The following DENND4C variants were observed in gnomAD, a reference collection of about 807,000 sequenced individuals.
DENND4C encodes the protein DENN domain containing 4C.
DENND4C carries 108 observed loss-of-function variants against 203.0 expected under a neutral mutation model. The ratio of observed to expected loss-of-function variants is 0.53; its 90% CI spans 0.46 to 0.62. DENND4C has a LOEUF of 0.62. DENND4C is among the 20% of genes least tolerant of loss of function. The probability of loss-of-function intolerance (pLI) is 0.00; values close to 1 mark genes in which losing one functional copy is unlikely to be tolerated. For synonymous variants in DENND4C, 871 were observed against 792.4 expected, an observed-to-expected ratio of 1.10 and a Z score of -1.67; for missense variants, 2,481 against 2,301.2, an observed-to-expected ratio of 1.08 and a Z score of -1.60.
chr9:19,322,661 G>A (rs781311584), intron 12 of DENND4C, among the ~76,000 whole-genome samples: 8 of 150,790 alleles, frequency 5.3e-5, no homozygotes, highest in African/African-American at 9.8e-5. Flanking sequence ...GCATGAACCC[G>A]GGAGGCAGAG....
Position 19,300,245 on chromosome 9 carries a change from C to T in DENND4C, c.1225C>T (p.Leu409=), listed in dbSNP as rs751980044. ...GGGTCCTGAGAATTGTGCAACACTG[C>T]TGCTCTTTGTTTTACTTGAGAGTAA... ...NLGPENCATL[L]LFVLLESKIL... The change falls in exon 9 of 33, where the codon CTG becomes TTG. Residue 409 remains leucine, a synonymous_variant. Transcript: ENST00000434457. The T allele has an allele frequency of 6.2e-7, 1 of 1,613,116 alleles. No individual in the cohort carries two copies. The highest frequency in any genetic ancestry group is 8.5e-7 in the Non-Finnish European group (1 of 1,179,274).
At position 19,351,942 on chromosome 9, in the gene DENND4C, A is replaced by G. The variant is rs1046236530; in HGVS notation, c.4496-131A>G. 17 of 648,758 alleles carry G rather than the reference A, an allele frequency of 2.6e-5. 1 individual carries two copies. The highest frequency in any genetic ancestry group is 1.8e-4 in the African/African-American group (10 of 54,672). 40.2% of individuals were successfully genotyped at this position (648,758 alleles called of 1,614,324 possible). A position where few individuals can be genotyped will look rare whatever the true frequency, so the allele number is the denominator to read the frequency against. Reference sequence around the variant, plus strand: ...TTTATCTCTTTCTATGTATGCATACATTTTTATACTGAGCCACTTGAAAAA... The same window carrying G: ...TTTATCTCTTTCTATGTATGCATACGTTTTTATACTGAGCCACTTGAAAAA... On this transcript the variant is annotated intron_variant, in intron 24 of 32. Transcript: ENST00000434457.
At chr9:19,326,821 GCCTTTAGTGGTCTGAA>G (rs1817933216) in intron 15 of DENND4C, among the ~76,000 whole-genome samples, 1 of 151,964 alleles carries the variant, frequency 6.6e-6, no homozygotes, top group Non-Finnish European at 1.5e-5. Flanking sequence ...ATCTATGTTT[GCCTTTAGTGGTCTGAA>G]CATTTTCCCA....
At chr9:19,318,536 C>T (rs745648623) in intron 12 of DENND4C, among the ~76,000 whole-genome samples, 12 of 152,086 alleles carry the variant, frequency 7.9e-5, no homozygotes, top group Non-Finnish European at 1.5e-5. Context: ...ACAAGGTCTG[C>T]GGATTTGTTT....
intron 1 of DENND4C, among the ~76,000 whole-genome samples, chr9:19,248,068 C>G (rs1035639654): frequency 2.0e-5 from 3 of 152,104 alleles, no homozygotes; most frequent in Non-Finnish European, 2.9e-5. Flanking sequence ...AGTTTGTTCT[C>G]ACAACAGCTA....
At chr9:19,300,163 T>C in intron 8 of DENND4C, 24 bp from the exon 9 acceptor site, 1 of 1,578,148 alleles carries the variant, frequency 6.3e-7, no homozygotes, top group Non-Finnish European at 8.7e-7. Flanking sequence ...CACAATGATC[T>C]ACTTTTCTCT....
chr9:19,250,611 A>G (rs891810794), intron 1 of DENND4C, among the ~76,000 whole-genome samples: 1 of 152,212 alleles, frequency 6.6e-6, no homozygotes, highest in Non-Finnish European at 1.5e-5. Flanking sequence ...TCCTCCGCCG[A>G]TTAGCTTGTA....
chr9:19,237,445 G>T (rs1253925170), intron 1 of DENND4C, among the ~76,000 whole-genome samples: 1 of 151,796 alleles, frequency 6.6e-6, no homozygotes, highest in Non-Finnish European at 1.5e-5. Context: ...TCCGCATCCC[G>T]AGTTCAAGCG....
intron 13 of DENND4C, among the ~76,000 whole-genome samples, chr9:19,325,563 C>G (rs969818955): frequency 5.3e-5 from 8 of 152,088 alleles, no homozygotes; most frequent in African/African-American, 1.9e-4. Flanking sequence ...AACTATTCAA[C>G]ATTTTTGTTT....
Position 19,328,082 on chromosome 9 carries a change from T to C in DENND4C, c.2173T>C (p.Leu725=). Reference sequence around the variant, plus strand: ...TAAGCTTTTTGACAGACCGCAGGAGTTGAAACTTTGTTTTAGTAGACACCC... The same window carrying C: ...TAAGCTTTTTGACAGACCGCAGGAGCTGAAACTTTGTTTTAGTAGACACCC... ...DLKLFDRPQE[L]KLCFSRHPTG... Residue 725 remains leucine, a synonymous_variant, in exon 16 of 33, where the codon TTG becomes CTG. Coordinates refer to ENST00000434457, the MANE Select transcript of DENND4C (RefSeq NM_001330640.2). The C allele has an allele frequency of 1.9e-6, 3 of 1,613,734 alleles. No homozygotes were observed. The highest frequency in any genetic ancestry group is 2.2e-5 in the South Asian group (2 of 91,054).
intron 13 of DENND4C, among the ~76,000 whole-genome samples, chr9:19,325,651 A>T (rs1817664048): frequency 1.3e-5 from 2 of 152,210 alleles, no homozygotes; most frequent in Admixed American, 6.5e-5. Flanking sequence ...GGGCTTAATA[A>T]TAATGAAATT....
At chr9:19,277,568 G>A (rs911751670) in intron 2 of DENND4C, among the ~76,000 whole-genome samples, 4 of 151,972 alleles carry the variant, frequency 2.6e-5, no homozygotes, top group African/African-American at 9.7e-5. Context: ...GGTTCTTCGG[G>A]ATTTTTTTAA....
At chr9:19,271,117 A>C (rs148010577) in intron 1 of DENND4C, among the ~76,000 whole-genome samples, 1 of 152,160 alleles carries the variant, frequency 6.6e-6, no homozygotes, top group Non-Finnish European at 1.5e-5. Flanking sequence ...CATGGATTAG[A>C]AGACTCAATA....
Position 19,305,484 on chromosome 9 carries a change from C to G in DENND4C, c.1444C>G (p.Gln482Glu). The change falls in exon 10 of 33, where the codon CAA becomes GAA. Residue 482 changes from glutamine (Q) to glutamate (E), a missense_variant. This residue lies in a region of DENND4C where 2,289 missense variants were observed against 2,113.3 expected (regional missense o/e 1.08). Transcript: ENST00000434457. ...SRYFDLHDPPQDVVCIDLDTN... is the reference protein window; with the variant it reads ...SRYFDLHDPPEDVVCIDLDTN... ...GTATTTTGATCTTCATGACCCACCA[C>G]AAGATGTTGTTTGCATTGACTTGGA... 6.2e-7 allele frequency: 1 copy of G among 1,613,652 alleles called. No homozygotes were observed. The highest frequency in any genetic ancestry group is 1.1e-5 in the South Asian group (1 of 91,070).
At chr9:19,281,746 T>C (rs1388490481) in intron 2 of DENND4C, among the ~76,000 whole-genome samples, 1 of 152,158 alleles carries the variant, frequency 6.6e-6, no homozygotes. Flanking sequence ...CATCATAGAG[T>C]GTACATACAC....
intron 1 of DENND4C, among the ~76,000 whole-genome samples, chr9:19,262,505 C>G (rs922943291): frequency 1.3e-5 from 2 of 149,450 alleles, no homozygotes; most frequent in Admixed American, 1.3e-4. Context: ...TATCTCGGCT[C>G]TCTGCAACCC....
rs199795421 is a variant in DENND4C, at chr9:19,341,097, C to A, written c.2987C>A (p.Thr996Lys). The A allele has an allele frequency of 6.2e-7, 1 of 1,610,004 alleles. No homozygotes were observed. The highest frequency in any genetic ancestry group is 2.2e-5 in the East Asian group (1 of 44,702). Residue 996 changes from threonine (T) to lysine (K), a missense_variant, in exon 21 of 33, where the codon ACA becomes AAA. By Grantham distance (78) the Thr-to-Lys change is moderately conservative (BLOSUM62 -1). This residue lies in a region of DENND4C where 2,289 missense variants were observed against 2,113.3 expected (regional missense o/e 1.08). Coordinates refer to ENST00000434457, the MANE Select transcript of DENND4C (RefSeq NM_001330640.2). The part of the protein sequence containing the change: ...EQAARELITK[T>K]KMQTEEVCDA... ...GCAGCAAGAGAATTGATAACTAAAA[C>A]AAAAATGCAAACAGAAGGTTAAGTA... is the stretch of plus-strand genomic sequence containing the variant.
At chr9:19,351,197 G>A (rs1480393562) in intron 24 of DENND4C, among the ~76,000 whole-genome samples, 1 of 152,096 alleles carries the variant, frequency 6.6e-6, no homozygotes, top group African/African-American at 2.4e-5. Context: ...AACTACTGTG[G>A]TCACCTACTG....
chr9:19,280,329 T>C (rs1236954434), intron 2 of DENND4C, among the ~76,000 whole-genome samples: 1 of 152,112 alleles, frequency 6.6e-6, no homozygotes, highest in Non-Finnish European at 1.5e-5. Flanking sequence ...GTATTTTTAG[T>C]AGAGACGGGG....
Sources: allele counts gnomAD v4.1 joint callset (sites outside exome capture counted in the v4.1 genomes callset), GRCh38; gene constraint gnomAD v4.1.1; regional missense constraint gnomAD v4.1.1; transcripts MANE v1.5; gene names NCBI Gene and HGNC (gene_info 2026-07-23, HGNC 2026-07-21).